Variants in NAT10 observed in about 807,000 individuals in gnomAD.
NAT10 encodes RNA cytidine acetyltransferase.
Under a neutral mutation model 132.2 loss-of-function variants are expected in NAT10, and 109 were observed. That is an observed-to-expected ratio of 0.82 (90% CI 0.71 to 0.97). The LOEUF (loss-of-function observed/expected upper bound fraction) is 0.97, where lower values mean the gene tolerates loss of function less well. Among genes scored for constraint, NAT10 ranks in the 50% least tolerant of loss-of-function variants. The pLI is 0.00. For missense variants in NAT10, 1,184 were observed against 1,263.4 expected (o/e 0.94, Z 0.95); for synonymous variants, 479 against 478.0 (o/e 1.00, Z -0.03).
chr11:34,119,633 G>A (rs887446323), intron 8 of NAT10, among the ~76,000 whole-genome samples: 2 of 152,178 alleles, frequency 1.3e-5, no homozygotes, highest in African/African-American at 4.8e-5. Flanking sequence ...AAAAAAATAA[G>A]AAGTGGTGTT....
At chr11:34,120,563 C>T (rs566904319) in intron 8 of NAT10, among the ~76,000 whole-genome samples, 50 of 152,310 alleles carry the variant, frequency 3.3e-4, no homozygotes, top group African/African-American at 1.1e-3. Context: ...AGCTGAGGAG[C>T]AAAGTTTGGC....
At chr11:34,140,373 C>T (rs200958439) in intron 23 of NAT10, 27 bp from the exon 24 acceptor site, 450 of 1,595,034 alleles carry the variant, frequency 2.8e-4, no homozygotes, top group Non-Finnish European at 3.6e-4. Flanking sequence ...GTGACCTAAC[C>T]TGTCTAGCTC....
chr11:34,124,484 A>G (rs1378454196), intron 11 of NAT10, 84 bp downstream of exon 11: 34 of 969,936 alleles, frequency 3.5e-5, no homozygotes, highest in Non-Finnish European at 4.9e-5. Flanking sequence ...TGTTATAGAC[A>G]TGTATGTCTT....
At position 34,144,181 on chromosome 11, in the gene NAT10, T is replaced by C. The variant is rs182453945; in HGVS notation, c.2969+653T>C. On this transcript the variant is annotated intron_variant, in intron 28 of 28. Transcript: ENST00000257829. Reference sequence around the variant, plus strand: ...CAGGTGCAGTGGCTCACGCCTGTAATCTCAGCACTTTGGGAGGCCGAGGTA... The same window carrying C: ...CAGGTGCAGTGGCTCACGCCTGTAACCTCAGCACTTTGGGAGGCCGAGGTA... Among the ~76,000 whole-genome samples the C allele has an allele frequency of 6.1e-4, 93 of 152,282 alleles. 1 individual carries two copies. Among genetic ancestry groups the C allele is most frequent in the African/African-American group, 2.2e-3 (93 of 41,562 alleles).
intron 28 of NAT10, 150 bp downstream of exon 28, chr11:34,143,678 C>T (rs1182411648): frequency 1.5e-6 from 1 of 661,162 alleles, no homozygotes; most frequent in African/African-American, 1.8e-5. Context: ...CTGGCCATTA[C>T]CCTTGCAGTG....
chr11:34,113,974 A>T, intron 5 of NAT10, 136 bp downstream of exon 5: 1 of 1,033,866 alleles, frequency 9.7e-7, no homozygotes, highest in East Asian at 2.7e-5. Context: ...GAGCTCTTTG[A>T]TTTTAACTAA....
intron 2 of NAT10, 135 bp from the exon 3 acceptor site, chr11:34,108,607 C>A: frequency 2.4e-6 from 2 of 828,660 alleles, no homozygotes; most frequent in Non-Finnish European, 3.8e-6. Flanking sequence ...CTGGTCATTG[C>A]TCGCCTTAGA....
At chr11:34,128,411 T>C (rs1590772129) in intron 12 of NAT10, among the ~76,000 whole-genome samples, 2 of 151,182 alleles carry the variant, frequency 1.3e-5, no homozygotes, top group East Asian at 3.9e-4. Flanking sequence ...CATCTGGAGA[T>C]AGATTTTGTT....
intron 12 of NAT10, among the ~76,000 whole-genome samples, chr11:34,130,312 G>C (rs1228600400): frequency 2.6e-5 from 4 of 152,082 alleles, no homozygotes; most frequent in Admixed American, 1.3e-4. Flanking sequence ...TTACTGAGGT[G>C]GTGGATTTGT....
intron 3 of NAT10, 72 bp downstream of exon 3, chr11:34,108,905 T>G: frequency 7.3e-7 from 1 of 1,370,140 alleles, no homozygotes; most frequent in African/African-American, 1.5e-5. Context: ...AGGAAATGAT[T>G]CCTTCACATA....
chr11:34,110,513 A>G (rs965029369), intron 3 of NAT10, among the ~76,000 whole-genome samples: 4 of 148,492 alleles, frequency 2.7e-5, no homozygotes, highest in Admixed American at 2.7e-4. Flanking sequence ...GCTTTAGGGT[A>G]AAGTCACTTA....
At chr11:34,123,688 T>C (rs1851935740) in intron 9 of NAT10, 74 bp from the exon 10 acceptor site, 3 of 1,225,730 alleles carry the variant, frequency 2.4e-6, no homozygotes, top group East Asian at 4.8e-5. Flanking sequence ...CAAACAAAAA[T>C]ATTTTCTTTT....
chr11:34,119,054 T>C (rs945385520), intron 8 of NAT10, among the ~76,000 whole-genome samples: 1 of 152,254 alleles, frequency 6.6e-6, no homozygotes, highest in African/African-American at 2.4e-5. Flanking sequence ...TTGAGGCCCC[T>C]AGTCTGGTAT....
intron 12 of NAT10, among the ~76,000 whole-genome samples, chr11:34,129,797 C>T (rs922472299): frequency 1.3e-4 from 19 of 151,466 alleles, no homozygotes; most frequent in Admixed American, 7.2e-4. Context: ...TTAGTGGAGA[C>T]GGGGTTTCAC....
In NAT10 at chr11:34,122,555, GC is replaced by G; in HGVS notation, c.880del (p.Leu294TrpfsTer54). 6.2e-7 allele frequency: 1 copy of G among 1,614,204 alleles called. No individual in the cohort carries two copies. The highest frequency in any genetic ancestry group is 8.5e-7 in the Non-Finnish European group (1 of 1,180,040). ...TGCTCGAGGACGGGGAAAATCTGCA[GC>G]CCTGGGATTGGCGATTGCTGGGGCG... ...TAARGRGKSA[A>X]LGLAIAGAVA... On this transcript the variant is annotated frameshift_variant, in exon 9 of 29. Transcript: ENST00000257829. LOFTEE classifies it high-confidence loss of function.
At chr11:34,144,018 C>T (rs1318199924) in intron 28 of NAT10, among the ~76,000 whole-genome samples, 2 of 152,222 alleles carry the variant, frequency 1.3e-5, no homozygotes, top group East Asian at 1.9e-4. Flanking sequence ...TTAACTGTTA[C>T]GTTGTCCTTC....
chr11:34,140,593 G>A (rs779904127), intron 24 of NAT10, 21 bp downstream of exon 24: 14 of 1,608,004 alleles, frequency 8.7e-6, no homozygotes, highest in African/African-American at 2.7e-5. Flanking sequence ...TGTTGCTTGC[G>A]TGGAGGAGAA....
intron 3 of NAT10, among the ~76,000 whole-genome samples, chr11:34,110,559 C>CTTTTTTTTTTTTTTTTTTT (rs948109196): frequency 2.0e-5 from 2 of 101,742 alleles, no homozygotes; most frequent in African/African-American, 9.0e-5. Context: ...TTTTCTTTCC[C>CTTTTTTTTTTTTTTTTTTT]TTTTTTTTTT....
Position 34,118,178 on chromosome 11 carries a change from A to G in NAT10, c.558-2A>G, listed in dbSNP as rs755622891. Reference sequence around the variant, plus strand: ...CTTCATTGCAGCGGTTTTGTATCTCAGGTTTATTCTGTCTCTGGCCTCTTG... The same window carrying G: ...CTTCATTGCAGCGGTTTTGTATCTCGGGTTTATTCTGTCTCTGGCCTCTTG... On this transcript the variant is annotated splice_acceptor_variant, in intron 6 of 28. Transcript: ENST00000257829. LOFTEE classifies it high-confidence loss of function. The G allele has an allele frequency of 6.2e-7, 1 of 1,610,692 alleles. No individual in the cohort carries two copies. The highest frequency in any genetic ancestry group is 2.2e-5 in the East Asian group (1 of 44,880).
Sources: allele counts gnomAD v4.1 joint callset (sites outside exome capture counted in the v4.1 genomes callset), GRCh38; gene constraint gnomAD v4.1.1; transcripts MANE v1.5; gene names NCBI Gene and HGNC (gene_info 2026-07-23, HGNC 2026-07-21).